Variants in NFIB observed in about 807,000 individuals in gnomAD.
NFIB encodes the protein nuclear factor I B, also known as nuclear factor 1 B-type.
Under a neutral mutation model 61.5 loss-of-function variants are expected in NFIB, and 11 were observed. The ratio of observed to expected loss-of-function variants is 0.18; its 90% confidence interval spans 0.11 to 0.30. The LOEUF (loss-of-function observed/expected upper bound fraction) is 0.30. Among genes scored for constraint, NFIB ranks in the 10% least tolerant of loss-of-function variants. NFIB has a pLI of 1.00. For synonymous variants in NFIB, 260 were observed against 216.5 expected (o/e 1.20, Z -1.76); for missense variants, 471 against 608.9 (o/e 0.77, Z 2.38).
the NFIB span, among the ~76,000 whole-genome samples, chr9:14,473,488 A>T: frequency 2.6e-5 from 4 of 152,232 alleles, no homozygotes; most frequent in Non-Finnish European, 5.9e-5. Context: ...CAGATTCAAC[A>T]GGCCTAAAGG....
At chr9:14,469,245 C>A in the NFIB span, among the ~76,000 whole-genome samples, 1 of 152,126 alleles carries the variant, frequency 6.6e-6, no homozygotes, top group Admixed American at 6.5e-5. Flanking sequence ...TTTTATCATA[C>A]GGCAAAAAGA....
At chr9:14,483,096 A>G in the NFIB span, among the ~76,000 whole-genome samples, 1 of 152,336 alleles carries the variant, frequency 6.6e-6, no homozygotes, top group African/African-American at 2.4e-5. Context: ...GAAGTGGGCT[A>G]TGAAGTGAAT....
At position 14,256,045 on chromosome 9, in the gene NFIB, T is replaced by C. The variant is rs139526808; in HGVS notation, c.562+50944A>G. 3.3e-3 allele frequency among the ~76,000 whole-genome samples: 507 copies of C among 152,376 alleles called. 4 individuals are homozygous for C. The highest frequency in any genetic ancestry group is 0.011 in the African/African-American group (465 of 41,586). ...TTCTCCCTCATGTGCAAAGGGAAGC[T>C]ACCAATGGTGCCTGCCCCACAGGGC... is the stretch of plus-strand genomic sequence containing the variant. On this transcript the variant is annotated intron_variant, in intron 2 of 10. Transcript: ENST00000380953.
chr9:14,486,020 C>CT, the NFIB span, among the ~76,000 whole-genome samples: 1 of 152,144 alleles, frequency 6.6e-6, no homozygotes, highest in Non-Finnish European at 1.5e-5. Flanking sequence ...ACAATAGAGT[C>CT]TTACGGACAC....
At chr9:14,149,861 T>C (rs2042668511) in intron 5 of NFIB, among the ~76,000 whole-genome samples, 1 of 152,216 alleles carries the variant, frequency 6.6e-6, no homozygotes, top group Non-Finnish European at 1.5e-5. Flanking sequence ...TTTTGTTAAC[T>C]TGTAGCATTT....
chr9:14,464,589 G>A, the NFIB span, among the ~76,000 whole-genome samples: 1 of 152,194 alleles, frequency 6.6e-6, no homozygotes, highest in Non-Finnish European at 1.5e-5. Flanking sequence ...ACAGCTGATG[G>A]AGCGTAGCAA....
chr9:14,406,655 G>A, the NFIB span, among the ~76,000 whole-genome samples: 5 of 152,132 alleles, frequency 3.3e-5, no homozygotes, highest in Non-Finnish European at 7.4e-5. Flanking sequence ...TCATAGCTAG[G>A]TGTGGTCACG....
At chr9:14,289,081 C>CGT (rs58218572) in intron 2 of NFIB, among the ~76,000 whole-genome samples, 3,506 of 141,878 alleles carry the variant, frequency 0.025, 98 homozygotes, top group African/African-American at 0.064. Context: ...TTTTCCAAAG[C>CGT]GTGTGTGTGT....
chr9:14,431,362 A>T, the NFIB span, among the ~76,000 whole-genome samples: 77 of 150,236 alleles, frequency 5.1e-4, 1 homozygote, highest in East Asian at 6.8e-3. Flanking sequence ...CACATTTTTT[A>T]AAAAAAAACT....
At chr9:14,121,384 A>G (rs1380340911) in intron 7 of NFIB, among the ~76,000 whole-genome samples, 1 of 152,244 alleles carries the variant, frequency 6.6e-6, no homozygotes, top group Non-Finnish European at 1.5e-5. Context: ...CAAAAGAGCC[A>G]AAAATTTTCT....
chr9:14,427,937 G>GTT, the NFIB span, among the ~76,000 whole-genome samples: 252 of 43,392 alleles, frequency 5.8e-3, 83 homozygotes, highest in Middle Eastern at 0.05. Context: ...TAATTCAGTT[G>GTT]TTTTTTTTTT....
chr9:14,303,062 T>G (rs2382468), intron 2 of NFIB, among the ~76,000 whole-genome samples: 122,551 of 152,156 alleles, frequency 0.81, 54,162 homozygotes, highest in Non-Finnish European at 0.97. Flanking sequence ...CCTCAGACCT[T>G]AACGCATAGG....
At chr9:14,183,731 TAGAGAA>T (rs1191030779) in intron 2 of NFIB, among the ~76,000 whole-genome samples, 2 of 152,008 alleles carry the variant, frequency 1.3e-5, no homozygotes, top group Non-Finnish European at 2.9e-5. Flanking sequence ...TTTGATGCAG[TAGAGAA>T]AAAGAGAGGA....
intron 1 of NFIB, among the ~76,000 whole-genome samples, chr9:14,374,913 A>T (rs1402032784): frequency 6.6e-6 from 1 of 150,554 alleles, no homozygotes; most frequent in Non-Finnish European, 1.5e-5. Flanking sequence ...CTGTCTCAAA[A>T]TAAATAAATA....
intron 2 of NFIB, among the ~76,000 whole-genome samples, chr9:14,211,230 T>C (rs766870442): frequency 1.8e-4 from 27 of 152,182 alleles, no homozygotes; most frequent in Non-Finnish European, 2.9e-4. Flanking sequence ...AACAGTAATA[T>C]TACCTGGGCT....
intron 7 of NFIB, among the ~76,000 whole-genome samples, chr9:14,122,692 G>A (rs895185114): frequency 6.6e-6 from 1 of 152,098 alleles, no homozygotes; most frequent in Non-Finnish European, 1.5e-5. Flanking sequence ...GCTCACATCT[G>A]TACACAAACC....
At chr9:14,461,233 G>A in the NFIB span, among the ~76,000 whole-genome samples, 2 of 152,096 alleles carry the variant, frequency 1.3e-5, no homozygotes, top group Non-Finnish European at 2.9e-5. Context: ...CAGAGCAATC[G>A]GCACAGAGTT....
intron 3 of NFIB, among the ~76,000 whole-genome samples, chr9:14,169,702 C>T (rs943463473): frequency 2.0e-5 from 3 of 152,146 alleles, no homozygotes; most frequent in Admixed American, 6.5e-5. Context: ...CCTGTAGTCC[C>T]AGCTACTCAG....
chr9:14,509,832 A>C, the NFIB span, among the ~76,000 whole-genome samples: 1 of 152,192 alleles, frequency 6.6e-6, no homozygotes, highest in African/African-American at 2.4e-5. Context: ...AAGTTCTTGG[A>C]GCATTTTTGA....
Sources: gnomAD v4.1 joint callset for allele counts (sites outside exome capture counted in the v4.1 genomes callset) on GRCh38, gnomAD v4.1.1 for gene constraint, MANE v1.5 for transcripts, NCBI Gene and HGNC (gene_info 2026-07-23, HGNC 2026-07-21) for gene names.